The following VWC2L variants were observed in gnomAD, a reference collection of about 807,000 sequenced individuals.
The protein encoded by VWC2L is von Willebrand factor C domain containing 2 like, also known as von Willebrand factor C domain-containing protein 2-like.
Under a neutral mutation model 21.6 loss-of-function variants are expected in VWC2L, and 10 were observed. The observed-to-expected ratio is 0.46, with a 90% CI of 0.29 to 0.78. The LOEUF (loss-of-function observed/expected upper bound fraction) is 0.78, where lower values mean the gene tolerates loss of function less well. Among genes scored for constraint, VWC2L ranks in the 30% least tolerant of loss-of-function variants. The pLI is 0.10. For synonymous variants in VWC2L, 96 were observed against 94.3 expected (o/e 1.02, Z -0.10); for missense variants, 209 against 277.1 (o/e 0.75, Z 1.74).
chr2:214,521,605 T>C (rs1689242114), intron 3 of VWC2L, among the ~76,000 whole-genome samples: 1 of 152,250 alleles, frequency 6.6e-6, no homozygotes, highest in South Asian at 2.1e-4. Flanking sequence ...TTGGCCAGCT[T>C]CTCCAGAAAG....
chr2:214,515,053 C>T (rs2105907823), intron 3 of VWC2L, among the ~76,000 whole-genome samples: 1 of 152,196 alleles, frequency 6.6e-6, no homozygotes, highest in Non-Finnish European at 1.5e-5. Context: ...TCCCTCCCTG[C>T]CCCCACCCAG....
rs139446107 is a variant in VWC2L at position 214,560,407 on chromosome 2, T to C, written c.521-15265T>C. 7.2e-4 allele frequency among the ~76,000 whole-genome samples: 110 copies of C among 152,310 alleles called. 3 individuals are homozygous for C. In the East Asian group the frequency reaches 0.02, roughly 27 times the overall value. ...GTCTGTCTGTAGTAATGTTCCACTT[T>C]GTTGACAAGTGTACTCCATGTCCCA... On this transcript the variant is annotated intron_variant, in intron 3 of 3. Coordinates refer to ENST00000312504, the MANE Select transcript of VWC2L (RefSeq NM_001080500.4).
At position 214,575,928 on chromosome 2, in the gene VWC2L, G is replaced by T; in HGVS notation, c.*108G>T. 1.5e-6 allele frequency: 2 copies of T among 1,318,230 alleles called. No individual in the cohort carries two copies. The highest frequency in any genetic ancestry group is 1.7e-5 in the South Asian group (1 of 57,896). 81.7% of individuals were successfully genotyped at this position (1,318,230 alleles called of 1,614,324 possible). On this transcript the variant is annotated 3_prime_UTR_variant, in exon 4 of 4. Transcript: ENST00000312504. Reference sequence around the variant, plus strand: ...AACAAACTCCTGCCAGCTACAACAGGGTCACCAGCAAAACTTTCTAGGGTT... The same window carrying T: ...AACAAACTCCTGCCAGCTACAACAGTGTCACCAGCAAAACTTTCTAGGGTT...
intron 3 of VWC2L, among the ~76,000 whole-genome samples, chr2:214,547,030 C>T (rs926446235): frequency 6.6e-6 from 1 of 152,106 alleles, no homozygotes; most frequent in African/African-American, 2.4e-5. Context: ...ATGCCTGATT[C>T]TTTAGGGAGA....
intron 3 of VWC2L, among the ~76,000 whole-genome samples, chr2:214,559,169 T>C (rs1689923893): frequency 6.6e-6 from 1 of 151,910 alleles, no homozygotes; most frequent in African/African-American, 2.4e-5. Context: ...CATCACAAAG[T>C]GGGCGAAGGA....
intron 2 of VWC2L, among the ~76,000 whole-genome samples, chr2:214,416,410 A>G (rs1390824396): frequency 6.6e-6 from 1 of 152,104 alleles, no homozygotes; most frequent in Non-Finnish European, 1.5e-5. Context: ...ATCCATTAAT[A>G]TGCACAGCTT....
intron 3 of VWC2L, among the ~76,000 whole-genome samples, chr2:214,516,167 C>T (rs118062516): frequency 6.6e-6 from 1 of 152,098 alleles, no homozygotes; most frequent in East Asian, 1.9e-4. Flanking sequence ...GTATTTACAC[C>T]ACCACAATTG....
chr2:214,440,772 C>T (rs1328659647), intron 3 of VWC2L, among the ~76,000 whole-genome samples: 1 of 151,940 alleles, frequency 6.6e-6, no homozygotes, highest in Non-Finnish European at 1.5e-5. Flanking sequence ...ATTAAGAATC[C>T]ATATTTATAG....
intron 3 of VWC2L, 147 bp downstream of exon 3, chr2:214,436,905 C>G (rs1275285405): frequency 2.0e-5 from 20 of 994,714 alleles, no homozygotes; most frequent in Admixed American, 2.8e-5. Flanking sequence ...TTTATCCCAT[C>G]TTAAAGTGAA....
chr2:214,563,634 T>C (rs540172960), intron 3 of VWC2L, among the ~76,000 whole-genome samples: 19 of 150,670 alleles, frequency 1.3e-4, no homozygotes, highest in African/African-American at 4.4e-4. Context: ...ATCTGTTCCA[T>C]TAACATCCCT....
In VWC2L at chr2:214,575,951, G is replaced by T; in HGVS notation, c.*131G>T. The stretch of plus-strand genomic sequence containing the variant: ...AGGGTCACCAGCAAAACTTTCTAGG[G>T]TTGACAAAAGTGAATATTTTCCTAA... On this transcript the variant is annotated 3_prime_UTR_variant, in exon 4 of 4. Transcript: ENST00000312504. 1 of 998,294 alleles carries T rather than the reference G, an allele frequency of 1.0e-6. No individual in the cohort carries two copies. The highest frequency in any genetic ancestry group is 2.6e-5 in the East Asian group (1 of 38,912). 61.8% of individuals were successfully genotyped at this position (998,294 alleles called of 1,614,324 possible). A position where few individuals can be genotyped will look rare whatever the true frequency, so the allele number is the denominator to read the frequency against.
intron 3 of VWC2L, among the ~76,000 whole-genome samples, chr2:214,462,651 G>A (rs913113260): frequency 8.6e-5 from 13 of 151,592 alleles, no homozygotes; most frequent in South Asian, 4.2e-4. Context: ...AATGGCTTCC[G>A]GTTTACTGAT....
intron 3 of VWC2L, among the ~76,000 whole-genome samples, chr2:214,466,563 T>C (rs1703219493): frequency 6.6e-6 from 1 of 152,222 alleles, no homozygotes. Flanking sequence ...GGTTGTCTAC[T>C]TGACTTTGAA....
intron 3 of VWC2L, among the ~76,000 whole-genome samples, chr2:214,531,804 A>G (rs1689440040): frequency 6.6e-6 from 1 of 152,164 alleles, no homozygotes; most frequent in Non-Finnish European, 1.5e-5. Flanking sequence ...CTTGCGTTTC[A>G]GGTTTCCAGA....
chr2:214,454,395 T>G (rs1051508690), intron 3 of VWC2L, among the ~76,000 whole-genome samples: 1 of 152,046 alleles, frequency 6.6e-6, no homozygotes, highest in African/African-American at 2.4e-5. Context: ...AGTATAATTT[T>G]ATTAACAGGT....
At chr2:214,435,395 A>G (rs1325449593) in intron 2 of VWC2L, among the ~76,000 whole-genome samples, 1 of 152,198 alleles carries the variant, frequency 6.6e-6, no homozygotes, top group Non-Finnish European at 1.5e-5. Flanking sequence ...TGTTTTGTTC[A>G]TACTAAATTT....
intron 3 of VWC2L, among the ~76,000 whole-genome samples, chr2:214,537,972 C>G (rs1689562967): frequency 7.0e-6 from 1 of 143,770 alleles, no homozygotes; most frequent in East Asian, 2.2e-4. Flanking sequence ...ATATGTATAT[C>G]ATCACACATG....
At chr2:214,451,996 G>T (rs1476115157) in intron 3 of VWC2L, among the ~76,000 whole-genome samples, 1 of 152,096 alleles carries the variant, frequency 6.6e-6, no homozygotes, top group Non-Finnish European at 1.5e-5. Context: ...CTTCCTTCAA[G>T]TTCCTTTATA....
intron 3 of VWC2L, among the ~76,000 whole-genome samples, chr2:214,482,847 T>G (rs1688626756): frequency 6.6e-6 from 1 of 152,082 alleles, no homozygotes; most frequent in African/African-American, 2.4e-5. Context: ...TTCCCCCTAT[T>G]TCTCCCTAAG....
Sources: allele counts gnomAD v4.1 joint callset (sites outside exome capture counted in the v4.1 genomes callset), GRCh38; gene constraint gnomAD v4.1.1; transcripts MANE v1.5; gene names NCBI Gene and HGNC (gene_info 2026-07-23, HGNC 2026-07-21).